DLEU7: variants seen among roughly 807,000 people sequenced by gnomAD.
DLEU7 encodes the protein deleted in lymphocytic leukemia 7.
In DLEU7, 17 loss-of-function variants were observed where a neutral mutation model predicts 16.0. The observed-to-expected ratio is 1.06, with a 90% CI of 0.73 to 1.59. The LOEUF (loss-of-function observed/expected upper bound fraction) is 1.59, where lower values mean the gene tolerates loss of function less well. Among genes scored for constraint, DLEU7 ranks in the 40% most tolerant of loss-of-function variants. DLEU7 has a pLI of 0.00. For synonymous variants in DLEU7, 113 were observed against 139.8 expected, an observed-to-expected ratio of 0.81 and a Z score of 1.35; for missense variants, 308 against 314.9, an observed-to-expected ratio of 0.98 and a Z score of 0.17.
chr13:50,810,589 G>C (rs1593404544), intron 1 of DLEU7, among the ~76,000 whole-genome samples: 1 of 152,154 alleles, frequency 6.6e-6, no homozygotes, highest in Non-Finnish European at 1.5e-5. Context: ...TCCACAGACG[G>C]GCATTTGGAA....
chr13:50,792,572 A>G (rs1875988200), intron 1 of DLEU7, among the ~76,000 whole-genome samples: 1 of 152,168 alleles, frequency 6.6e-6, no homozygotes, highest in South Asian at 2.1e-4. Context: ...TTTTCCTTCT[A>G]CTATCTCTTC....
intron 1 of DLEU7, among the ~76,000 whole-genome samples, chr13:50,796,372 G>T (rs1246149112): frequency 6.6e-6 from 1 of 152,104 alleles, no homozygotes; most frequent in Admixed American, 6.5e-5. Context: ...TACCAAGAAG[G>T]CCTCCAAGTG....
chr13:50,812,955 C>T (rs1201009824), intron 1 of DLEU7: 3 of 151,864 alleles, frequency 2.0e-5, no homozygotes, highest in Admixed American at 6.6e-5. Flanking sequence ...CCAAATGGTC[C>T]GAAAAGATAA....
intron 1 of DLEU7, among the ~76,000 whole-genome samples, chr13:50,718,492 T>C (rs899072989): frequency 6.6e-6 from 1 of 152,232 alleles, no homozygotes; most frequent in African/African-American, 2.4e-5. Context: ...AGGAATCTAC[T>C]AACTAGTGAG....
At chr13:50,722,335 G>T (rs997937313) in intron 1 of DLEU7, among the ~76,000 whole-genome samples, 1 of 152,146 alleles carries the variant, frequency 6.6e-6, no homozygotes, top group Non-Finnish European at 1.5e-5. Flanking sequence ...GGAACCAGTG[G>T]GAACACTAAG....
intron 1 of DLEU7, among the ~76,000 whole-genome samples, chr13:50,743,078 A>G (rs919016856): frequency 3.9e-4 from 59 of 152,220 alleles, no homozygotes; most frequent in Admixed American, 3.7e-3. Flanking sequence ...ATAGTGAATA[A>G]TTCTTTCTTC....
At chr13:50,734,878 A>G (rs1243191666) in intron 1 of DLEU7, among the ~76,000 whole-genome samples, 1 of 152,204 alleles carries the variant, frequency 6.6e-6, no homozygotes, top group African/African-American at 2.4e-5. Flanking sequence ...CAAACAAAAT[A>G]AAGATAAGGC....
chr13:50,762,013 A>AC (rs1173214338), intron 1 of DLEU7, among the ~76,000 whole-genome samples: 2 of 151,232 alleles, frequency 1.3e-5, no homozygotes, highest in Admixed American at 6.6e-5. Flanking sequence ...AGATGGTGAA[A>AC]CCCCATCTCT....
exon 2 of DLEU7, chr13:50,712,940 C>T (rs771567758): frequency 1.2e-4 from 48 of 409,384 alleles, no homozygotes; most frequent in Non-Finnish European, 1.6e-4. Flanking sequence ...TTAATGGAAG[C>T]GGCTCTAATT....
intron 1 of DLEU7, among the ~76,000 whole-genome samples, chr13:50,730,310 A>G (rs2812239): frequency 1 from 152,161 of 152,178 alleles, 76,072 homozygotes; most frequent in Middle Eastern, 1. Context: ...AGGGTCAACC[A>G]TGTAAGCAGA....
At chr13:50,737,243 A>C (rs949989089) in intron 1 of DLEU7, among the ~76,000 whole-genome samples, 1 of 152,210 alleles carries the variant, frequency 6.6e-6, no homozygotes, top group African/African-American at 2.4e-5. Context: ...AATATTAGCA[A>C]ATTGAAATAG....
chr13:50,802,317 A>G (rs1345582641), intron 1 of DLEU7, among the ~76,000 whole-genome samples: 1 of 152,128 alleles, frequency 6.6e-6, no homozygotes, highest in Non-Finnish European at 1.5e-5. Context: ...GAAAGAGATT[A>G]TGATTTGGAA....
At chr13:50,843,773 T>A, upstream of DLEU7, 2 of 1,288,956 alleles carry the variant, frequency 1.6e-6, no homozygotes, top group Non-Finnish European at 2.1e-6. This position sits in a 1 kb window ranked among gnomAD's most constrained non-coding sequence, Gnocchi z 5.7. Flanking sequence ...TCTCACAGCG[T>A]GTGTGGTCGG....
At chr13:50,788,230 G>A (rs1566251290) in intron 1 of DLEU7, among the ~76,000 whole-genome samples, 1 of 152,034 alleles carries the variant, frequency 6.6e-6, no homozygotes, top group Non-Finnish European at 1.5e-5. Context: ...ACTTATCCTG[G>A]TTGGAGCCTG....
At chr13:50,762,208 A>G (rs1020589407) in intron 1 of DLEU7, among the ~76,000 whole-genome samples, 48 of 151,468 alleles carry the variant, frequency 3.2e-4, no homozygotes, top group South Asian at 8.3e-4. Flanking sequence ...AAAAAAAAAA[A>G]AAAGAAAAGA....
intron 1 of DLEU7, among the ~76,000 whole-genome samples, chr13:50,838,488 G>A (rs2137816500): frequency 6.6e-6 from 1 of 152,346 alleles, no homozygotes; most frequent in South Asian, 2.1e-4. Flanking sequence ...ATTTTCAGCA[G>A]TTTAAAAAAT....
intron 1 of DLEU7, among the ~76,000 whole-genome samples, chr13:50,719,962 T>C (rs754787504): frequency 4.9e-4 from 75 of 152,242 alleles, no homozygotes; most frequent in Middle Eastern, 3.4e-3. Flanking sequence ...CTTTGTGGAG[T>C]AGGCACAATT....
intron 1 of DLEU7, among the ~76,000 whole-genome samples, chr13:50,743,882 G>A (rs991065704): frequency 6.6e-6 from 1 of 152,134 alleles, no homozygotes; most frequent in Non-Finnish European, 1.5e-5. Flanking sequence ...AAAGTGCTTT[G>A]GTGGCTGTGC....
chr13:50,809,175 A>AATC (rs760801252), intron 1 of DLEU7, among the ~76,000 whole-genome samples: 9 of 152,146 alleles, frequency 5.9e-5, no homozygotes, highest in Non-Finnish European at 1.2e-4. Context: ...AGGACATATT[A>AATC]ATCACTGCAG....
Sources: gnomAD v4.1 joint callset for allele counts (sites outside exome capture counted in the v4.1 genomes callset) on GRCh38, gnomAD v4.1.1 for gene constraint, Gnocchi (gnomAD v3.1) non-coding constraint, MANE v1.5 for transcripts, NCBI Gene and HGNC (gene_info 2026-07-23, HGNC 2026-07-21) for gene names.